The following CR1 variants were observed in gnomAD, a reference collection of about 807,000 sequenced individuals.
CR1 encodes complement receptor type 1.
CR1 carries 116 observed loss-of-function variants against 187.3 expected under a neutral mutation model. The observed-to-expected ratio is 0.62, with a 90% confidence interval of 0.53 to 0.72. CR1 has a LOEUF of 0.72. Ranked by LOEUF, CR1 falls within the 30% of genes least tolerant of loss-of-function variation. The probability of loss-of-function intolerance (pLI) is 0.00; values close to 1 mark genes in which losing one functional copy is unlikely to be tolerated. For synonymous variants in CR1, 576 were observed against 747.1 expected, an observed-to-expected ratio of 0.77 and a Z score of 3.73; for missense variants, 1,731 against 2,110.7, an observed-to-expected ratio of 0.82 and a Z score of 3.52.
chr1:207,597,032 T>A (rs1193109748), intron 35 of CR1, among the ~76,000 whole-genome samples: 3 of 149,050 alleles, frequency 2.0e-5, no homozygotes, highest in Non-Finnish European at 3.0e-5. Context: ...TAAAATCTAT[T>A]ATTTTATATC....
chr1:207,513,027 C>T (rs1296323385), intron 4 of CR1, among the ~76,000 whole-genome samples: 1 of 152,176 alleles, frequency 6.6e-6, no homozygotes, highest in African/African-American at 2.4e-5. Context: ...GGTCTATAAA[C>T]TATTCAAGTC....
intron 3 of CR1, among the ~76,000 whole-genome samples, chr1:207,510,923 G>A (rs1659594756): frequency 6.6e-6 from 1 of 151,684 alleles, no homozygotes; most frequent in Non-Finnish European, 1.5e-5. Flanking sequence ...CCTGACTCAA[G>A]CGATCTTCAT....
chr1:207,572,245 G>C (rs1660602194), intron 27 of CR1, among the ~76,000 whole-genome samples: 1 of 141,592 alleles, frequency 7.1e-6, no homozygotes, highest in Non-Finnish European at 1.5e-5. Context: ...CAGTTCAGAG[G>C]GTAAAATGTT....
At chr1:207,577,223 T>A (rs679515) in intron 28 of CR1, among the ~76,000 whole-genome samples, 3 of 151,470 alleles carry the variant, frequency 2.0e-5, no homozygotes, top group Non-Finnish European at 4.4e-5. Context: ...TGCACTCCAG[T>A]GTGGGGAACA....
intron 35 of CR1, among the ~76,000 whole-genome samples, chr1:207,593,538 C>A (rs539910597): frequency 1.9e-4 from 29 of 152,274 alleles, no homozygotes; most frequent in African/African-American, 6.0e-4. Flanking sequence ...CCATTCAGGA[C>A]ATAGGCATGG....
intron 46 of CR1, among the ~76,000 whole-genome samples, chr1:207,632,535 T>C (rs1269466493): frequency 6.6e-6 from 1 of 152,110 alleles, no homozygotes; most frequent in African/African-American, 2.4e-5. Flanking sequence ...ACGCCTGTAA[T>C]CCCAGCACTT....
intron 13 of CR1, among the ~76,000 whole-genome samples, chr1:207,544,778 C>G (rs965767657): frequency 1.4e-5 from 2 of 146,042 alleles, no homozygotes; most frequent in Admixed American, 6.7e-5. Flanking sequence ...TCTTTACCAC[C>G]CTATGTCAGG....
intron 46 of CR1, among the ~76,000 whole-genome samples, chr1:207,635,482 C>A (rs1352378836): frequency 6.6e-6 from 1 of 152,154 alleles, no homozygotes; most frequent in Non-Finnish European, 1.5e-5. Flanking sequence ...GCCTGCATGT[C>A]CCACCTCCAG....
intron 4 of CR1, among the ~76,000 whole-genome samples, chr1:207,519,600 C>T (rs1558223762): frequency 1.3e-5 from 2 of 152,298 alleles, no homozygotes; most frequent in South Asian, 2.1e-4. Flanking sequence ...ATGTCCTCCC[C>T]CTCTTTTTGT....
intron 35 of CR1, among the ~76,000 whole-genome samples, chr1:207,600,205 T>G (rs1041153582): frequency 2.6e-5 from 4 of 152,164 alleles, no homozygotes; most frequent in Admixed American, 6.5e-5. Context: ...TCCGGTTAGA[T>G]GAAGGGATTG....
intron 1 of CR1, among the ~76,000 whole-genome samples, chr1:207,501,918 G>GTT (rs55641279): frequency 2.1e-5 from 3 of 145,576 alleles, no homozygotes; most frequent in Admixed American, 6.9e-5. Context: ...TTTACTCAGT[G>GTT]TTTTTTTTTT....
intron 4 of CR1, among the ~76,000 whole-genome samples, chr1:207,518,668 T>C (rs1659878135): frequency 6.6e-6 from 1 of 152,226 alleles, no homozygotes; most frequent in African/African-American, 2.4e-5. Flanking sequence ...CCTTGGCTTG[T>C]AGATGCATCA....
At position 207,641,310 on chromosome 1, in the gene CR1, G is replaced by A. The variant is rs1041494967; in HGVS notation, c.*1901G>A. On this transcript the variant is annotated 3_prime_UTR_variant, in exon 47 of 47. Transcript: ENST00000367049. ...TTTCCAGAATGGAGTAGGTCAGTGA[G>A]CAATGTGATTAATAAATATTTCAAT... The A allele has an allele frequency of 6.6e-6, 1 of 151,796 alleles. No individual in the cohort carries two copies. The highest frequency in any genetic ancestry group is 2.4e-5 in the African/African-American group (1 of 41,338). 9.4% of individuals were successfully genotyped at this position (151,796 alleles called of 1,614,324 possible).
intron 4 of CR1, among the ~76,000 whole-genome samples, chr1:207,521,993 T>G (rs1460683092): frequency 6.6e-6 from 1 of 152,038 alleles, no homozygotes; most frequent in Non-Finnish European, 1.5e-5. Flanking sequence ...AGTTTCTAGT[T>G]CTTACAAGTT....
chr1:207,584,550 C>G (rs1489689182), intron 32 of CR1, 99 bp from the exon 33 acceptor site: 10 of 1,416,456 alleles, frequency 7.1e-6, no homozygotes, highest in Admixed American at 2.3e-5. Context: ...GAAAAGTACG[C>G]TTAATTGGCA....
intron 37 of CR1, among the ~76,000 whole-genome samples, chr1:207,610,433 A>G (rs1650571971): frequency 6.6e-6 from 1 of 152,104 alleles, no homozygotes; most frequent in African/African-American, 2.4e-5. Context: ...CCTGGGCTCA[A>G]GTAAGACCTC....
chr1:207,588,791 ATC>A lies in CR1; in HGVS notation c.5810+21_5810+22del, dbSNP rs2102355036. On this transcript the variant is annotated intron_variant, in intron 35 of 46. Transcript: ENST00000367049. ...TAATGAAGGGTGAGTTGAGAATACC[ATC>A]TCTTGAATATGAGTTCCAGAACAGC... is the stretch of plus-strand genomic sequence containing the variant. The A allele has an allele frequency of 6.5e-7, 1 of 1,538,776 alleles. No individual in the cohort carries two copies. The highest frequency in any genetic ancestry group is 2.3e-5 in the East Asian group (1 of 44,208).
intron 46 of CR1, among the ~76,000 whole-genome samples, chr1:207,631,203 G>A (rs1320573280): frequency 1.3e-5 from 2 of 152,178 alleles, no homozygotes; most frequent in African/African-American, 4.8e-5. Context: ...AAGATTTGGG[G>A]TGAAAAGGGA....
intron 46 of CR1, among the ~76,000 whole-genome samples, chr1:207,639,008 A>ATTGGG (rs1662900450): frequency 6.6e-6 from 1 of 152,210 alleles, no homozygotes; most frequent in African/African-American, 2.4e-5. Flanking sequence ...TTGTCCCTGA[A>ATTGGG]AACCCTGAGG....
Sources: gnomAD v4.1 joint callset for allele counts (sites outside exome capture counted in the v4.1 genomes callset) on GRCh38, gnomAD v4.1.1 for gene constraint, MANE v1.5 for transcripts, NCBI Gene and HGNC (gene_info 2026-07-23, HGNC 2026-07-21) for gene names.